The following NEGR1 variants were observed in gnomAD, a reference collection of about 807,000 sequenced individuals.
NEGR1 encodes the protein IgLON family member 4.
In NEGR1, 10 loss-of-function variants were observed where a neutral mutation model predicts 40.9. The observed-to-expected ratio is 0.24, with a 90% confidence interval of 0.15 to 0.42. NEGR1 has a LOEUF of 0.42. Among genes scored for constraint, NEGR1 ranks in the 10% least tolerant of loss-of-function variants. The pLI is 1.00. For missense variants in NEGR1, 352 were observed against 438.9 expected, an observed-to-expected ratio of 0.80 and a Z score of 1.77; for synonymous variants, 185 against 166.8, an observed-to-expected ratio of 1.11 and a Z score of -0.84.
intron 2 of NEGR1, among the ~76,000 whole-genome samples, chr1:71,785,663 T>G (rs915120377): frequency 2.6e-5 from 4 of 152,164 alleles, no homozygotes; most frequent in African/African-American, 9.7e-5. Flanking sequence ...TTTTCTTGCC[T>G]CATCCTTGGC....
chr1:71,802,008 A>G (rs1028905672), intron 2 of NEGR1, among the ~76,000 whole-genome samples: 1 of 152,190 alleles, frequency 6.6e-6, no homozygotes, highest in Non-Finnish European at 1.5e-5. Context: ...AGAGACTGAA[A>G]GAAAAACTGT....
At chr1:72,004,183 G>GAT (rs762684315) in intron 1 of NEGR1, among the ~76,000 whole-genome samples, 162 of 150,874 alleles carry the variant, frequency 1.1e-3, no homozygotes, top group East Asian at 2.7e-3. Context: ...TTAAAAGGCT[G>GAT]ATATATATAT....
At chr1:72,118,795 A>G (rs890789577) in intron 1 of NEGR1, among the ~76,000 whole-genome samples, 9 of 151,776 alleles carry the variant, frequency 5.9e-5, no homozygotes, top group Non-Finnish European at 1.3e-4. Context: ...AACTTCTATA[A>G]ATAAACAATT....
intron 2 of NEGR1, among the ~76,000 whole-genome samples, chr1:71,887,577 A>T (rs986009527): frequency 6.6e-5 from 10 of 152,154 alleles, no homozygotes; most frequent in African/African-American, 2.4e-4. Flanking sequence ...AATACGTATA[A>T]TGTGCAGTGA....
intron 1 of NEGR1, among the ~76,000 whole-genome samples, chr1:71,996,388 T>G (rs1477358841): frequency 6.6e-6 from 1 of 152,148 alleles, no homozygotes; most frequent in African/African-American, 2.4e-5. Context: ...TTCTGCCTAT[T>G]CATTTGTGCC....
intron 6 of NEGR1, among the ~76,000 whole-genome samples, chr1:71,425,786 A>G (rs374056978): frequency 3.5e-4 from 54 of 152,302 alleles, no homozygotes; most frequent in African/African-American, 1.3e-3. Flanking sequence ...AATAGGAACC[A>G]TGGCAAATTT....
intron 2 of NEGR1, among the ~76,000 whole-genome samples, chr1:71,823,758 T>A (rs919789456): frequency 1.3e-5 from 2 of 152,044 alleles, no homozygotes; most frequent in Non-Finnish European, 2.9e-5. Flanking sequence ...GATAAAGTGT[T>A]GAGAAAACAG....
At chr1:71,992,270 T>G (rs557931506) in intron 1 of NEGR1, among the ~76,000 whole-genome samples, 3 of 152,104 alleles carry the variant, frequency 2.0e-5, no homozygotes, top group Non-Finnish European at 4.4e-5. Flanking sequence ...TCAGGGATAA[T>G]TAAAAATAAG....
chr1:72,272,470 A>T (rs1655876547), intron 1 of NEGR1, among the ~76,000 whole-genome samples: 1 of 151,970 alleles, frequency 6.6e-6, no homozygotes, highest in Non-Finnish European at 1.5e-5. Flanking sequence ...GAAAAACTTT[A>T]TGATCTGTTT....
At chr1:71,837,053 A>T (rs1659060015) in intron 2 of NEGR1, 1 of 152,098 alleles carries the variant, frequency 6.6e-6, no homozygotes, top group Non-Finnish European at 1.5e-5. Flanking sequence ...CAACTAACTG[A>T]TCTAATGCTG....
chr1:71,755,554 C>T (rs113292909), intron 3 of NEGR1, among the ~76,000 whole-genome samples: 7 of 152,186 alleles, frequency 4.6e-5, no homozygotes, highest in African/African-American at 1.7e-4. Flanking sequence ...CAACTTAAGT[C>T]GCTCTCTTCC....
rs181627944 is a variant in NEGR1, at chr1:71,750,955, A to G, written c.535+25217T>C. ...TTCCATCTATAGAACTTAGTTTATG[A>G]CTAGATTTACAGAATTGAAGGACTT... On this transcript the variant is annotated intron_variant, in intron 3 of 6. Transcript: ENST00000357731. Among the ~76,000 whole-genome samples, 825 of 152,256 alleles carry G rather than the reference A, an allele frequency of 5.4e-3. 5 individuals are homozygous for G. The highest frequency in any genetic ancestry group is 7.9e-3 in the Non-Finnish European group (536 of 68,012).
At chr1:72,003,927 T>A (rs1023741559) in intron 1 of NEGR1, among the ~76,000 whole-genome samples, 3 of 152,092 alleles carry the variant, frequency 2.0e-5, no homozygotes, top group Admixed American at 6.6e-5. Context: ...CCATTTTCTA[T>A]GGAGAAAAGG....
At chr1:72,136,847 A>G (rs775581731) in intron 1 of NEGR1, among the ~76,000 whole-genome samples, 1 of 152,140 alleles carries the variant, frequency 6.6e-6, no homozygotes, top group African/African-American at 2.4e-5. Context: ...AAATCTATCC[A>G]TCTGACAAAG....
At chr1:71,934,941 G>C (rs1645889800) in intron 2 of NEGR1, 138 bp downstream of exon 2, 1 of 629,648 alleles carries the variant, frequency 1.6e-6, no homozygotes. Context: ...TGAAAACTAT[G>C]ACAATATAAT....
In NEGR1 at chr1:71,791,691, G is replaced by C. The variant is rs138256202; in HGVS notation, c.410-15394C>G. 4.2e-4 allele frequency among the ~76,000 whole-genome samples: 64 copies of C among 152,182 alleles called. No homozygotes were observed. The East Asian group carries it at 8.7e-3, about 21-fold the overall frequency. On this transcript the variant is annotated intron_variant, in intron 2 of 6. Coordinates refer to ENST00000357731, the MANE Select transcript of NEGR1 (RefSeq NM_173808.3). ...AAAAGTCTAGAATGTAGTTAAGAGA[G>C]AAAATGAGAACATTAGTAACTGTAA...
At chr1:71,711,005 ATATACC>A (rs1654062643) in intron 3 of NEGR1, among the ~76,000 whole-genome samples, 1 of 152,036 alleles carries the variant, frequency 6.6e-6, no homozygotes, top group Admixed American at 6.6e-5. Flanking sequence ...CCATAAATAT[ATATACC>A]TACTATTTAC....
intron 6 of NEGR1, among the ~76,000 whole-genome samples, chr1:71,563,616 A>C (rs357216): frequency 0.59 from 89,898 of 151,726 alleles, 27,039 homozygotes; most frequent in Middle Eastern, 0.67. Flanking sequence ...AATGGTAAAG[A>C]CATGAGCCTG....
intron 6 of NEGR1, among the ~76,000 whole-genome samples, chr1:71,589,638 T>C (rs1260599891): frequency 1.3e-5 from 2 of 152,156 alleles, no homozygotes; most frequent in Non-Finnish European, 1.5e-5. Context: ...TCTAGATCCT[T>C]GCAACTCCCT....
Sources: gnomAD v4.1 joint callset for allele counts (sites outside exome capture counted in the v4.1 genomes callset) on GRCh38, gnomAD v4.1.1 for gene constraint, MANE v1.5 for transcripts, NCBI Gene and HGNC (gene_info 2026-07-23, HGNC 2026-07-21) for gene names.